The following CPLANE1 variants were observed in gnomAD, a reference collection of about 807,000 sequenced individuals.
The protein encoded by CPLANE1 is ciliogenesis and planar polarity effector 1.
Under a neutral mutation model 362.5 loss-of-function variants are expected in CPLANE1, and 263 were observed. That is an observed-to-expected ratio of 0.73 (90% CI 0.66 to 0.80). CPLANE1 has a LOEUF of 0.80. Ranked by LOEUF, CPLANE1 falls within the 30% of genes least tolerant of loss-of-function variation. The pLI is 0.00. For synonymous variants in CPLANE1, 1,212 were observed against 1,302.6 expected, an observed-to-expected ratio of 0.93 and a Z score of 1.50; for missense variants, 3,461 against 3,793.4, an observed-to-expected ratio of 0.91 and a Z score of 2.30.
intron 5 of CPLANE1, among the ~76,000 whole-genome samples, chr5:37,243,327 T>C (rs1800986322): frequency 6.6e-6 from 1 of 152,130 alleles, no homozygotes; most frequent in African/African-American, 2.4e-5. Context: ...TTGTAGTTTA[T>C]GCTCTTAAGA....
At chr5:37,241,682 A>C (rs970929606) in intron 6 of CPLANE1, among the ~76,000 whole-genome samples, 1 of 152,146 alleles carries the variant, frequency 6.6e-6, no homozygotes, top group African/African-American at 2.4e-5. Context: ...GCTGGAGTGC[A>C]GTGGCACGAT....
At chr5:37,193,510 C>T (rs1786263489) in intron 21 of CPLANE1, among the ~76,000 whole-genome samples, 1 of 151,968 alleles carries the variant, frequency 6.6e-6, no homozygotes, top group Non-Finnish European at 1.5e-5. Flanking sequence ...CAAAAATTAG[C>T]TGGGCGCAGC....
At chr5:37,221,024 A>G (rs1176406049) in intron 15 of CPLANE1, among the ~76,000 whole-genome samples, 1 of 152,214 alleles carries the variant, frequency 6.6e-6, no homozygotes, top group African/African-American at 2.4e-5. Context: ...TAAGATTTAA[A>G]AACAAACAAA....
At chr5:37,174,031 C>G (rs1191542597) in intron 31 of CPLANE1, 84 bp from the exon 32 acceptor site, 2 of 1,174,108 alleles carry the variant, frequency 1.7e-6, no homozygotes, top group Admixed American at 4.6e-5. Context: ...ATATTTTGAT[C>G]CCACTTTTGT....
chr5:37,169,118 C>A lies in CPLANE1; in HGVS notation c.6906G>T (p.Thr2302=). 1 of 1,614,166 alleles carries A rather than the reference C, an allele frequency of 6.2e-7. No homozygotes were observed. Among genetic ancestry groups the A allele is most frequent in the Non-Finnish European group, 8.5e-7 (1 of 1,180,018 alleles). Reference sequence around the variant, plus strand: ...TTTCTGTAATTACAGTTTCTGCCCACGTCTTCTGCTCAACTTCTTTTTTTC... The same window carrying A: ...TTTCTGTAATTACAGTTTCTGCCCAAGTCTTCTGCTCAACTTCTTTTTTTC... ...EARKKEVEQK[T]WAETVITEIP... is the part of the protein sequence containing the mutation. The change falls in exon 34 of 53, where the codon ACG becomes ACT. Residue 2302 remains threonine (T), a synonymous_variant. Transcript: ENST00000651892.
rs767172251 is a variant in CPLANE1, at chr5:37,185,099, A to C, written c.4190-20T>G. ...GGGGTCCTGGAAAGAAAAGAATAAA[A>C]AGTCTTAGTGTTCATTAAAATATTT... On this transcript the variant is annotated intron_variant, in intron 24 of 52. Transcript: ENST00000651892. The C allele has an allele frequency of 1.3e-5, 21 of 1,580,934 alleles. No homozygotes were observed. Among genetic ancestry groups the C allele is most frequent in the Non-Finnish European group, 1.8e-5 (21 of 1,167,504 alleles).
In CPLANE1 at chr5:37,247,685, A is replaced by C. The variant is rs1740192818; in HGVS notation, c.14T>G (p.Leu5Ter). The change falls in exon 2 of 53, where the codon TTA (leucine) becomes TGA (stop). Residue 5 changes from leucine (L) to a stop codon, truncating the protein, a stop_gained. Transcript: ENST00000651892. LOFTEE classifies it high-confidence loss of function. MEIR[L>*]EILTSTGIKQ... is the part of the protein sequence containing the mutation. ...AATACCTGTTGATGTCAAGATTTCT[A>C]ATCTTATCTCCATGTTTGTTAAGCT... The C allele has an allele frequency of 1.3e-6, 2 of 1,549,682 alleles. No homozygotes were observed. Among genetic ancestry groups the C allele is most frequent in the African/African-American group, 2.7e-5 (2 of 72,984 alleles).
the CPLANE1 span, among the ~76,000 whole-genome samples, chr5:37,095,259 G>A: frequency 1.3e-5 from 2 of 152,068 alleles, no homozygotes; most frequent in African/African-American, 4.8e-5. Context: ...TTCATACCAG[G>A]GATGCAGAGG....
chr5:37,138,516 G>GA lies in CPLANE1; in HGVS notation c.8792+203dup, dbSNP rs771739520. The GA allele has an allele frequency of 5.7e-6, 4 of 699,554 alleles. No homozygotes were observed. The East Asian group carries it at 1.2e-4, about 20-fold the overall frequency. 43.3% of individuals were successfully genotyped at this position (699,554 alleles called of 1,614,324 possible). ...ATGTTGTACTTAGAGTGATTCTTGG[G>GA]AAAACCCACAGGATACAGTTATATA... On this transcript the variant is annotated intron_variant, in intron 46 of 52. Transcript: ENST00000651892.
intron 20 of CPLANE1, among the ~76,000 whole-genome samples, chr5:37,196,928 A>G (rs1787679972): frequency 6.6e-6 from 1 of 152,118 alleles, no homozygotes; most frequent in Admixed American, 6.5e-5. Context: ...TGTCTCAAAA[A>G]AGAAAAAAGG....
intron 7 of CPLANE1, among the ~76,000 whole-genome samples, 176 bp downstream of exon 7, chr5:37,239,537 C>T (rs948801295): frequency 1.5e-5 from 2 of 137,724 alleles, no homozygotes; most frequent in African/African-American, 2.8e-5. Context: ...AAGCCATGAT[C>T]GCACCACTGC....
intron 38 of CPLANE1, among the ~76,000 whole-genome samples, chr5:37,159,302 G>C (rs1335395078): frequency 7.8e-6 from 1 of 128,406 alleles, no homozygotes; most frequent in East Asian, 2.4e-4. Flanking sequence ...TAGTAGAGAC[G>C]GGGTTTCACC....
intron 51 of CPLANE1, among the ~76,000 whole-genome samples, chr5:37,111,976 A>G (rs1487210769): frequency 6.6e-6 from 1 of 152,182 alleles, no homozygotes; most frequent in Non-Finnish European, 1.5e-5. Context: ...CCACAAGAGT[A>G]GGCTTCCACT....
intron 17 of CPLANE1, 86 bp from the exon 18 acceptor site, chr5:37,205,540 T>C: frequency 3.4e-6 from 3 of 889,410 alleles, no homozygotes; most frequent in Non-Finnish European, 3.3e-6. Flanking sequence ...AACATGAAAG[T>C]TTAAGAAACA....
In CPLANE1 at chr5:37,227,679, G is replaced by A; in HGVS notation, c.1260C>T (p.Val420=). 1 of 1,551,430 alleles carries A rather than the reference G, an allele frequency of 6.4e-7. No individual in the cohort carries two copies. The highest frequency in any genetic ancestry group is 1.2e-5 in the South Asian group (1 of 84,026). Residue 420 remains valine (V), a synonymous_variant, in exon 10 of 53, where the codon GTC becomes GTT. Coordinates refer to ENST00000651892, the MANE Select transcript of CPLANE1 (RefSeq NM_001384732.1). ...PYLVISDGYM[V]TTLRFLDSLS... ...GGCTATCAAGAAATCGAAGGGTTGT[G>A]ACCATATATCCATCAGATATAACGA...
At chr5:37,180,260 GTTT>G in intron 27 of CPLANE1, 77 bp from the exon 28 acceptor site, 1 of 667,268 alleles carries the variant, frequency 1.5e-6, no homozygotes, top group Non-Finnish European at 2.1e-6. Context: ...TTTTTTTTTT[GTTT>G]TTTTTTTTAA....
chr5:37,197,260 G>T (rs1185771560), intron 20 of CPLANE1, among the ~76,000 whole-genome samples: 2 of 152,168 alleles, frequency 1.3e-5, no homozygotes, highest in African/African-American at 2.4e-5. Context: ...ATTAACAGCA[G>T]GCTTGCAATT....
chr5:37,146,785 GC>G (rs1174002359), intron 43 of CPLANE1, among the ~76,000 whole-genome samples: 1 of 151,868 alleles, frequency 6.6e-6, no homozygotes, highest in Non-Finnish European at 1.5e-5. Flanking sequence ...GTATGATTCT[GC>G]CTTCTATTAA....
In CPLANE1 at chr5:37,175,915, AT is replaced by A; in HGVS notation, c.5971del (p.Ile1991PhefsTer19). The A allele has an allele frequency of 6.2e-7, 1 of 1,611,586 alleles. No homozygotes were observed. The highest frequency in any genetic ancestry group is 8.5e-7 in the Non-Finnish European group (1 of 1,178,112). On this transcript the variant is annotated frameshift_variant, in exon 31 of 53. Coordinates refer to ENST00000651892, the MANE Select transcript of CPLANE1 (RefSeq NM_001384732.1). LOFTEE classifies it high-confidence loss of function. ...AGTAGGCAAAACTTCTTACCTAGAA[AT>A]TTCTGAACTCGTATCTACTTGCATT... ...QSMQVDTSSE[I>X]SSAQISTYKE...
Sources: gnomAD v4.1 joint callset for allele counts (sites outside exome capture counted in the v4.1 genomes callset) on GRCh38, gnomAD v4.1.1 for gene constraint, MANE v1.5 for transcripts, NCBI Gene and HGNC (gene_info 2026-07-23, HGNC 2026-07-21) for gene names.